The following CDH16 variants were observed in gnomAD, a reference collection of about 807,000 sequenced individuals.
CDH16 encodes cadherin-16.
A neutral mutation model predicts 87.6 loss-of-function variants in CDH16; 79 were observed. That is an observed-to-expected ratio of 0.90 (90% CI 0.75 to 1.09). The LOEUF is 1.09. Among genes scored for constraint, CDH16 ranks in the 50% least tolerant of loss-of-function variants. The pLI is 0.00. For synonymous variants in CDH16, 457 were observed against 439.5 expected, an observed-to-expected ratio of 1.04 and a Z score of -0.50; for missense variants, 1,124 against 1,071.7, an observed-to-expected ratio of 1.05 and a Z score of -0.68.
chr16:66,912,018 T>C lies in CDH16; in HGVS notation c.1671A>G (p.Arg557=), dbSNP rs1391590783. Residue 557 remains arginine, a synonymous_variant, in exon 13 of 18, where the codon AGA becomes AGG. Transcript: ENST00000299752. The part of the protein sequence containing the change: ...ATATVTVLVE[R]VMPPPKLDQE... The stretch of plus-strand genomic sequence containing the variant: ...GGTCCAACTTGGGGGGTGGCATCAC[T>C]CTCTCCACTAGCACAGTCACCGTGG... The C allele has an allele frequency of 2.5e-6, 4 of 1,613,956 alleles. No individual in the cohort carries two copies. The highest frequency in any genetic ancestry group is 3.4e-6 in the Non-Finnish European group (4 of 1,180,004).
intron 14 of CDH16, 53 bp from the exon 15 acceptor site, chr16:66,910,555 C>G (rs1280125747): frequency 1.4e-6 from 2 of 1,455,636 alleles, no homozygotes; most frequent in Admixed American, 2.5e-5. Flanking sequence ...GGAGGGTGAG[C>G]TCTGAGGTCC....
intron 15 of CDH16, 43 bp from the exon 16 acceptor site, chr16:66,910,136 A>G (rs754696307): frequency 6.3e-7 from 1 of 1,579,004 alleles, no homozygotes; most frequent in Non-Finnish European, 8.6e-7. Flanking sequence ...CAGCCTGGAC[A>G]GGCCCTCTGG....
chr16:66,908,312 G>T lies in CDH16; in HGVS notation c.*80C>A. 1 of 1,166,566 alleles carries T rather than the reference G, an allele frequency of 8.6e-7. No individual in the cohort carries two copies. The highest frequency in any genetic ancestry group is 1.3e-6 in the Non-Finnish European group (1 of 782,096). 72.3% of individuals were successfully genotyped at this position (1,166,566 alleles called of 1,614,324 possible). A position where few individuals can be genotyped will look rare whatever the true frequency, so the allele number is the denominator to read the frequency against. ...TTCTACTCTGTCCTGTCCCCTGCTG[G>T]ATCTTGGGTGCTGGGCTCTCTCCCA... On this transcript the variant is annotated 3_prime_UTR_variant, in exon 18 of 18. Transcript: ENST00000299752.
intron 8 of CDH16, 31 bp downstream of exon 8, chr16:66,913,460 G>C (rs8048423): frequency 6.2e-7 from 1 of 1,613,746 alleles, no homozygotes; most frequent in South Asian, 1.1e-5. Flanking sequence ...AGCACCCCCA[G>C]CCTGCATCCC....
Position 66,911,920 on chromosome 16 carries a change from T to C in CDH16, c.1769A>G (p.Asp590Gly). ...TCACCTGAGGGTTCGGCTGATGGGG[T>C]CGGAGGGCTGGATGGTCAGCAGGAA... Reference protein sequence around the residue: ...GSFLLTIQPSDPISRTLRFSL... With the variant: ...GSFLLTIQPSGPISRTLRFSL... The change falls in exon 13 of 18, where the codon GAC becomes GGC. Residue 590 changes from aspartate (D) to glycine (G), a missense_variant. Coordinates refer to ENST00000299752, the MANE Select transcript of CDH16 (RefSeq NM_004062.4). 1.9e-6 allele frequency: 3 copies of C among 1,606,520 alleles called. No homozygotes were observed. Among genetic ancestry groups the C allele is most frequent in the Non-Finnish European group, 2.6e-6 (3 of 1,174,898 alleles).
rs759213070 is a variant in CDH16, at chr16:66,909,371, C to A, written c.2288G>T (p.Arg763Leu). Residue 763 changes from arginine to leucine, a missense_variant, in exon 17 of 18, where the codon CGC (arginine) becomes CTC (leucine). By Grantham distance (102) the Arg-to-Leu change is moderately radical. Transcript: ENST00000299752. This position sits in a 1 kb window ranked among gnomAD's most constrained non-coding sequence, Gnocchi z 4.1. ...WQLLVRVIVC[R>L]CNVEGQCMRK... Reference sequence around the variant, plus strand: ...CATGCACTGCCCCTCCACGTTGCAGCGACACACGATCACTGAGGGGAGAGG... The same window carrying A: ...CATGCACTGCCCCTCCACGTTGCAGAGACACACGATCACTGAGGGGAGAGG... 6.2e-7 allele frequency: 1 copy of A among 1,610,290 alleles called. No homozygotes were observed. Among genetic ancestry groups the A allele is most frequent in the East Asian group, 2.2e-5 (1 of 44,844 alleles).
Position 66,911,225 on chromosome 16 carries a change from C to T in CDH16, c.1881G>A (p.Gln627=), listed in dbSNP as rs370889307. The change falls in exon 14 of 18, where the codon CAG becomes CAA. Residue 627 remains glutamine (Q), a synonymous_variant. Transcript: ENST00000299752. ...VHTAQSLQGA[Q]PGDTYTVLVE... ...CAAGCACCGTGTAGGTGTCCCCAGG[C>T]TGGGCGCCCTGCAGGGACTGGGCGG... is the stretch of plus-strand genomic sequence containing the variant. 5.7e-5 allele frequency: 92 copies of T among 1,613,720 alleles called. 1 individual carries two copies. The Admixed American group carries it at 1.0e-3, about 18-fold the overall frequency.
chr16:66,917,623 C>G lies in CDH16; in HGVS notation c.129+19G>C, dbSNP rs768702414. 1 of 1,600,696 alleles carries G rather than the reference C, an allele frequency of 6.2e-7. No individual in the cohort carries two copies. Among genetic ancestry groups the G allele is most frequent in the South Asian group, 1.1e-5 (1 of 89,948 alleles). Reference sequence around the variant, plus strand: ...CGGGGAGGGATCCCCCCGGCCCCAACCCCAGCTCTCCGGCTCACCTTGGTC... The same window carrying G: ...CGGGGAGGGATCCCCCCGGCCCCAAGCCCAGCTCTCCGGCTCACCTTGGTC... On this transcript the variant is annotated intron_variant, in intron 3 of 17. Coordinates refer to ENST00000299752, the MANE Select transcript of CDH16 (RefSeq NM_004062.4).
At position 66,909,246 on chromosome 16, in the gene CDH16, G is replaced by T. The variant is rs184649287; in HGVS notation, c.2392+21C>A. ...CCACCCATCGCCCTCGCCCACGCAGGTAATGTCCAACCTCCATTACCTATT... is the reference window on the plus strand; with the variant it reads ...CCACCCATCGCCCTCGCCCACGCAGTTAATGTCCAACCTCCATTACCTATT... On this transcript the variant is annotated intron_variant, in intron 17 of 17. Coordinates refer to ENST00000299752, the MANE Select transcript of CDH16 (RefSeq NM_004062.4). This position sits in a 1 kb window ranked among gnomAD's most constrained non-coding sequence, Gnocchi z 4.1. The T allele has an allele frequency of 6.1e-4, 896 of 1,479,170 alleles. 4 individuals carry two copies. In the African/African-American group the frequency reaches 0.011, roughly 19 times the overall value. 91.6% of individuals were successfully genotyped at this position (1,479,170 alleles called of 1,614,324 possible). A position where few individuals can be genotyped will look rare whatever the true frequency, so the allele number is the denominator to read the frequency against.
chr16:66,911,378 C>T (rs1236627501), intron 13 of CDH16, 63 bp from the exon 14 acceptor site: 4 of 1,536,862 alleles, frequency 2.6e-6, no homozygotes, highest in Admixed American at 3.7e-5. Flanking sequence ...GCTCAGAATC[C>T]CCCAGGGCTG....
intron 5 of CDH16, among the ~76,000 whole-genome samples, chr16:66,915,665 G>T (rs1962645791): frequency 6.6e-6 from 1 of 152,200 alleles, no homozygotes; most frequent in Non-Finnish European, 1.5e-5. Context: ...GGCTGAGGCA[G>T]GCAGACCACC....
rs145795136 is a variant in CDH16 at position 66,914,288 on chromosome 16, G to A, written c.708C>T (p.Ser236=). The A allele has an allele frequency of 3.8e-5, 61 of 1,614,106 alleles. No individual in the cohort carries two copies. In the African/African-American group the frequency reaches 7.1e-4, roughly 19 times the overall value. Residue 236 remains serine (S), a synonymous_variant, in exon 7 of 18, where the codon AGC becomes AGT. Transcript: ENST00000299752. ...GGATAGGCTCTAGGGACACCCAGGT[G>A]CTCTCTATGATGGAGACTTCCACGG... The part of the protein sequence containing the change: ...TATVEVSIIE[S]TWVSLEPIHL...
chr16:66,917,057 G>A (rs987262300), intron 3 of CDH16, among the ~76,000 whole-genome samples: 1 of 151,818 alleles, frequency 6.6e-6, no homozygotes, highest in African/African-American at 2.4e-5. Context: ...AGCCCAAGAC[G>A]GGCGGCTCAC....
chr16:66,915,526 C>T, intron 5 of CDH16, 148 bp from the exon 6 acceptor site: 1 of 839,852 alleles, frequency 1.2e-6, no homozygotes, highest in South Asian at 1.9e-5. Context: ...GTCCTACTTC[C>T]CAGATGAGCA....
chr16:66,909,247 T>A lies in CDH16; in HGVS notation c.2392+20A>T. 6.7e-7 allele frequency: 1 copy of A among 1,485,766 alleles called. No individual in the cohort carries two copies. Among genetic ancestry groups the A allele is most frequent in the Non-Finnish European group, 9.4e-7 (1 of 1,062,786 alleles). The allele number at this position is 1,485,766 out of a possible 1,614,324, so 92.0% of individuals were successfully genotyped here. A position where few individuals can be genotyped will look rare whatever the true frequency, so the allele number is the denominator to read the frequency against. The stretch of plus-strand genomic sequence containing the variant: ...CACCCATCGCCCTCGCCCACGCAGG[T>A]AATGTCCAACCTCCATTACCTATTG... On this transcript the variant is annotated intron_variant, in intron 17 of 17. Transcript: ENST00000299752. This position sits in a 1 kb window ranked among gnomAD's most constrained non-coding sequence, Gnocchi z 4.1.
Position 66,916,280 on chromosome 16 carries a change from C to G in CDH16, c.279G>C (p.Gln93His), listed in dbSNP as rs1480018647. Residue 93 changes from glutamine (Q) to histidine (H), a missense_variant, in exon 4 of 18, where the codon CAG becomes CAC. Gln to His is a conservative substitution (Grantham distance 24, BLOSUM62 0). Coordinates refer to ENST00000299752, the MANE Select transcript of CDH16 (RefSeq NM_004062.4). This position sits in a 1 kb window ranked among gnomAD's most constrained non-coding sequence, Gnocchi z 4.1. ...ACACCTGGCCCAGCCATACCTGTAG[C>G]TGGTACTCTGCCTGCTCCTCTCGGT... ...ALDREEQAEY[Q>H]LQVTLEMQDG... 5 of 1,613,596 alleles carry G rather than the reference C, an allele frequency of 3.1e-6. No individual in the cohort carries two copies. The African/African-American group carries it at 4.0e-5, about 13-fold the overall frequency.
In CDH16 at chr16:66,909,772, G is replaced by T. The variant is rs1054525436; in HGVS notation, c.2275+214C>A. Among the ~76,000 whole-genome samples, 13 of 152,170 alleles carry T rather than the reference G, an allele frequency of 8.5e-5. No individual in the cohort carries two copies. The highest frequency in any genetic ancestry group is 3.1e-4 in the African/African-American group (13 of 41,436). The stretch of plus-strand genomic sequence containing the variant: ...GATCATGCCACTACACTCCAGCCTG[G>T]GTGACAGAGTGAGACTCTGTCTCAA... On this transcript the variant is annotated intron_variant, in intron 16 of 17. Transcript: ENST00000299752. The surrounding 1 kb of genome is among the most constrained non-coding windows in gnomAD (Gnocchi z 4.1).
intron 13 of CDH16, 147 bp downstream of exon 13, chr16:66,911,752 C>A: frequency 3.9e-6 from 4 of 1,021,758 alleles, no homozygotes; most frequent in Non-Finnish European, 5.5e-6. Context: ...AGCCCCGATC[C>A]CTGCCAGGAG....
Position 66,914,207 on chromosome 16 carries a change from C to G in CDH16, c.780+9G>C. The G allele has an allele frequency of 6.2e-7, 1 of 1,607,354 alleles. No individual in the cohort carries two copies. The highest frequency in any genetic ancestry group is 1.1e-5 in the South Asian group (1 of 90,910). On this transcript the variant is annotated intron_variant, in intron 7 of 17. Coordinates refer to ENST00000299752, the MANE Select transcript of CDH16 (RefSeq NM_004062.4). The stretch of plus-strand genomic sequence containing the variant: ...GGGCTGCTTCAGCCACTGACAGCCA[C>G]TTACTCACCTGGGCCATGTGGTGCG...
Sources: gnomAD v4.1 joint callset for allele counts (sites outside exome capture counted in the v4.1 genomes callset) on GRCh38, gnomAD v4.1.1 for gene constraint, Gnocchi (gnomAD v3.1) non-coding constraint, MANE v1.5 for transcripts, NCBI Gene and HGNC (gene_info 2026-07-23, HGNC 2026-07-21) for gene names.